The following CDH18 variants were observed in gnomAD, a reference collection of about 807,000 sequenced individuals.
CDH18 encodes the protein cadherin 18, also known as cadherin-18.
In CDH18, 31 loss-of-function variants were observed where a neutral mutation model predicts 67.9. The ratio of observed to expected loss-of-function variants is 0.46; its 90% CI spans 0.34 to 0.62. CDH18 has a LOEUF of 0.62. CDH18 is among the 20% of genes least tolerant of loss of function. CDH18 has a pLI of 0.01. For synonymous variants in CDH18, 362 were observed against 347.2 expected, an observed-to-expected ratio of 1.04 and a Z score of -0.48; for missense variants, 890 against 975.5, an observed-to-expected ratio of 0.91 and a Z score of 1.17.
chr5:20,172,985 C>T (rs1270352082), intron 2 of CDH18, among the ~76,000 whole-genome samples: 6 of 89,236 alleles, frequency 6.7e-5, no homozygotes, highest in Admixed American at 1.0e-4. Context: ...AGTGAAACTC[C>T]GTCTCAAAAA....
In CDH18 at chr5:19,520,750, T is replaced by C; in HGVS notation, c.1419A>G (p.Thr473=). 2 of 1,613,360 alleles carry C rather than the reference T, an allele frequency of 1.2e-6. No individual in the cohort carries two copies. ...TGACATCCAGAACTCTAATACCCACTGTGACATGGCTCAGCAAATCAGGAT... is the reference window on the plus strand; with the variant it reads ...TGACATCCAGAACTCTAATACCCACCGTGACATGGCTCAGCAAATCAGGAT... ...IDNPDLLSHV[T]VGIRVLDVND... The change falls in exon 10 of 13, where the codon ACA becomes ACG. Residue 473 remains threonine, a synonymous_variant. Transcript: ENST00000382275.
At chr5:20,397,785 T>C (rs1745405635) in intron 1 of CDH18, among the ~76,000 whole-genome samples, 2 of 152,210 alleles carry the variant, frequency 1.3e-5, no homozygotes, top group South Asian at 2.1e-4. Context: ...TAAAAAACTA[T>C]TAATGTGATA....
At chr5:20,445,956 C>T (rs959179767) in intron 1 of CDH18, among the ~76,000 whole-genome samples, 1 of 151,818 alleles carries the variant, frequency 6.6e-6, no homozygotes, top group Non-Finnish European at 1.5e-5. Flanking sequence ...TTTTATGGGG[C>T]TTGGTGGGGG....
chr5:19,758,575 T>C (rs1485763996), intron 3 of CDH18, among the ~76,000 whole-genome samples: 1 of 152,216 alleles, frequency 6.6e-6, no homozygotes, highest in Admixed American at 6.5e-5. Flanking sequence ...TTGGCAGACT[T>C]TCGGGTCACC....
chr5:19,682,254 C>T (rs989108809), intron 5 of CDH18, among the ~76,000 whole-genome samples: 1 of 152,078 alleles, frequency 6.6e-6, no homozygotes, highest in African/African-American at 2.4e-5. Context: ...GTCTTCGCTG[C>T]TTCTTGTTTC....
At chr5:19,704,544 A>C (rs1763696343) in intron 5 of CDH18, among the ~76,000 whole-genome samples, 2 of 152,160 alleles carry the variant, frequency 1.3e-5, no homozygotes, top group Admixed American at 6.5e-5. Context: ...AAAAAATTGC[A>C]AGATTTGAAG....
intron 4 of CDH18, among the ~76,000 whole-genome samples, chr5:19,742,374 T>C (rs1255896394): frequency 6.6e-6 from 1 of 151,426 alleles, no homozygotes; most frequent in Non-Finnish European, 1.5e-5. Flanking sequence ...GATCTTCCTA[T>C]TTCCCCAAAA....
intron 1 of CDH18, among the ~76,000 whole-genome samples, chr5:20,418,242 A>T (rs1244877342): frequency 1.1e-4 from 6 of 56,936 alleles, no homozygotes; most frequent in Non-Finnish European, 1.1e-4. Context: ...CTGCTGGCTA[A>T]TTTTTTTTTT....
chr5:19,741,171 A>C (rs13189234), intron 4 of CDH18, among the ~76,000 whole-genome samples: 2 of 145,806 alleles, frequency 1.4e-5, no homozygotes, highest in Non-Finnish European at 3.1e-5. Flanking sequence ...CTATGTATAT[A>C]TGTATATATG....
chr5:19,833,950 T>G (rs192578901), intron 3 of CDH18, among the ~76,000 whole-genome samples: 1 of 152,074 alleles, frequency 6.6e-6, no homozygotes, highest in African/African-American at 2.4e-5. Context: ...TTCTCATTGA[T>G]GTTCATCAGG....
At chr5:20,172,224 GTATATA>G (rs72180276) in intron 2 of CDH18, among the ~76,000 whole-genome samples, 1 of 19,530 alleles carries the variant, frequency 5.1e-5, no homozygotes, top group African/African-American at 1.8e-4. Flanking sequence ...ATATATATAT[GTATATA>G]TATATATATG....
intron 2 of CDH18, among the ~76,000 whole-genome samples, chr5:20,061,654 G>C (rs1206586280): frequency 6.6e-6 from 1 of 152,066 alleles, no homozygotes; most frequent in Non-Finnish European, 1.5e-5. Flanking sequence ...ATGTATATAA[G>C]GTTGTATTTA....
intron 5 of CDH18, among the ~76,000 whole-genome samples, chr5:19,698,283 A>T (rs1449669178): frequency 6.6e-6 from 1 of 152,138 alleles, no homozygotes; most frequent in Non-Finnish European, 1.5e-5. Context: ...TTATGAAAGC[A>T]TTATCATTTT....
At chr5:20,534,907 T>A (rs1020355703) in intron 1 of CDH18, among the ~76,000 whole-genome samples, 1 of 151,944 alleles carries the variant, frequency 6.6e-6, no homozygotes, top group African/African-American at 2.4e-5. Flanking sequence ...AGCAGCACAA[T>A]CATAGCTTGC....
At chr5:19,633,857 C>T (rs1430583729) in intron 5 of CDH18, among the ~76,000 whole-genome samples, 1 of 152,104 alleles carries the variant, frequency 6.6e-6, no homozygotes, top group Admixed American at 6.5e-5. Flanking sequence ...GCCTCGAACT[C>T]CTGAGCTCAA....
intron 2 of CDH18, among the ~76,000 whole-genome samples, chr5:20,040,750 A>G (rs558771977): frequency 3.2e-4 from 48 of 152,244 alleles, no homozygotes; most frequent in Non-Finnish European, 5.7e-4. Flanking sequence ...TTGGAGGAGT[A>G]AATATCTTAT....
At chr5:20,428,625 T>A in intron 1 of CDH18, among the ~76,000 whole-genome samples, 1 of 152,214 alleles carries the variant, frequency 6.6e-6, no homozygotes. Flanking sequence ...GACTTTTTGA[T>A]AATTGCCATT....
chr5:20,188,053 C>A (rs551729374), intron 2 of CDH18, among the ~76,000 whole-genome samples: 1 of 151,888 alleles, frequency 6.6e-6, no homozygotes, highest in African/African-American at 2.4e-5. Flanking sequence ...CAGAGACATG[C>A]CACATATTGA....
intron 1 of CDH18, among the ~76,000 whole-genome samples, chr5:20,361,610 G>A (rs1160211112): frequency 6.6e-6 from 1 of 151,972 alleles, no homozygotes; most frequent in African/African-American, 2.4e-5. Context: ...AAAATGCCTT[G>A]CTAGTATATT....
Sources: gnomAD v4.1 joint callset for allele counts (sites outside exome capture counted in the v4.1 genomes callset) on GRCh38, gnomAD v4.1.1 for gene constraint, MANE v1.5 for transcripts, NCBI Gene and HGNC (gene_info 2026-07-23, HGNC 2026-07-21) for gene names.